AKT3: variants seen among roughly 807,000 people sequenced by gnomAD.
AKT3 encodes AKT serine/threonine kinase 3.
A neutral mutation model predicts 65.3 loss-of-function variants in AKT3; 15 were observed. That is an observed-to-expected ratio of 0.23 (90% CI 0.15 to 0.35). The LOEUF is 0.35. Among genes scored for constraint, AKT3 ranks in the 10% least tolerant of loss-of-function variants. The probability of loss-of-function intolerance (pLI) is 1.00; values close to 1 mark genes in which losing one functional copy is unlikely to be tolerated. For synonymous variants in AKT3, 206 were observed against 183.8 expected, an observed-to-expected ratio of 1.12 and a Z score of -0.98; for missense variants, 243 against 576.5, an observed-to-expected ratio of 0.42 and a Z score of 5.92.
downstream of AKT3, among the ~76,000 whole-genome samples, chr1:243,495,894 C>T (rs1003383429): frequency 6.6e-6 from 1 of 152,144 alleles, no homozygotes; most frequent in Non-Finnish European, 1.5e-5. Context: ...AGCAGGAGAG[C>T]CTCGCATGGG....
At chr1:243,741,039 TG>T (rs1688122391) in intron 2 of AKT3, among the ~76,000 whole-genome samples, 1 of 152,176 alleles carries the variant, frequency 6.6e-6, no homozygotes, top group Admixed American at 6.5e-5. Context: ...TTTGAAGAAG[TG>T]TTAGCCCTAC....
At chr1:243,600,853 T>C (rs1334426413) in intron 8 of AKT3, among the ~76,000 whole-genome samples, 3 of 152,136 alleles carry the variant, frequency 2.0e-5, no homozygotes, top group South Asian at 2.1e-4. Context: ...AAATAATCAA[T>C]GAATTGTGTT....
intron 2 of AKT3, among the ~76,000 whole-genome samples, chr1:243,806,321 A>G (rs1422302154): frequency 6.6e-6 from 1 of 152,152 alleles, no homozygotes; most frequent in Non-Finnish European, 1.5e-5. Context: ...TTTAGTTGCT[A>G]TAACATGATA....
chr1:243,614,972 AC>A (rs1463929790), intron 7 of AKT3, 123 bp downstream of exon 7: 9 of 725,844 alleles, frequency 1.2e-5, no homozygotes, highest in Non-Finnish European at 2.0e-5. Flanking sequence ...AATTTGACTT[AC>A]GTTCTTTCCA....
intron 2 of AKT3, among the ~76,000 whole-genome samples, chr1:243,705,413 T>C (rs2148057212): frequency 6.6e-6 from 1 of 152,360 alleles, no homozygotes; most frequent in South Asian, 2.1e-4. Context: ...GAAAACTGCA[T>C]AATTATCATC....
intron 8 of AKT3, among the ~76,000 whole-genome samples, chr1:243,573,491 G>A (rs1486474): frequency 0.044 from 6,636 of 152,014 alleles, 308 homozygotes; most frequent in African/African-American, 0.11. Flanking sequence ...TGATTTACGC[G>A]AACTTGTTAT....
intron 3 of AKT3, among the ~76,000 whole-genome samples, chr1:243,675,892 C>G (rs1227545072): frequency 6.6e-6 from 1 of 152,136 alleles, no homozygotes; most frequent in Non-Finnish European, 1.5e-5. Flanking sequence ...TCAGACCTTT[C>G]TGTTATGCTT....
chr1:243,638,947 C>T (rs1474917218), intron 5 of AKT3, among the ~76,000 whole-genome samples: 1 of 151,802 alleles, frequency 6.6e-6, no homozygotes, highest in Non-Finnish European at 1.5e-5. Context: ...AAACCAAAAG[C>T]TAGTTCTAAA....
intron 10 of AKT3, among the ~76,000 whole-genome samples, chr1:243,553,388 T>G (rs776906763): frequency 4.6e-5 from 7 of 152,120 alleles, no homozygotes; most frequent in Non-Finnish European, 8.8e-5. Context: ...AAGAACTAAG[T>G]AATACAAATT....
chr1:243,578,592 C>T (rs937179938), intron 8 of AKT3, among the ~76,000 whole-genome samples: 2 of 152,116 alleles, frequency 1.3e-5, no homozygotes, highest in South Asian at 4.1e-4. Context: ...GAGCTTAATA[C>T]TTAAGTGATG....
rs1669400249 is a variant in AKT3 at position 243,502,753 on chromosome 1, A to C, written c.*2496T>G. The C allele has an allele frequency of 4.3e-6, 1 of 233,204 alleles. No homozygotes were observed. Among genetic ancestry groups the C allele is most frequent in the Admixed American group, 5.6e-5 (1 of 17,784 alleles). 14.4% of individuals were successfully genotyped at this position (233,204 alleles called of 1,614,324 possible). A position where few individuals can be genotyped will look rare whatever the true frequency, so the allele number is the denominator to read the frequency against. On this transcript the variant is annotated 3_prime_UTR_variant, in exon 14 of 14. Coordinates refer to ENST00000673466, the MANE Select transcript of AKT3 (RefSeq NM_005465.7). ...AGTCTCAGAGGGTGGAATAGAAGTG[A>C]CTGAGCCCCAGGCATGGCTGGGAAC...
At position 243,788,048 on chromosome 1, in the gene AKT3, T is replaced by TA. The variant is rs200965016; in HGVS notation, c.46+55076dup. ...ATGTATGCATTTGAGAACCCTATTC[T>TA]AAAAAAAAACTTTCAATTTTGATTA... is the stretch of plus-strand genomic sequence containing the variant. On this transcript the variant is annotated intron_variant, in intron 2 of 13. Coordinates refer to ENST00000673466, the MANE Select transcript of AKT3 (RefSeq NM_005465.7). Among the ~76,000 whole-genome samples the TA allele has an allele frequency of 5.2e-3, 782 of 151,608 alleles. 9 individuals are homozygous for TA. The highest frequency in any genetic ancestry group is 0.018 in the African/African-American group (739 of 41,374).
intron 2 of AKT3, among the ~76,000 whole-genome samples, chr1:243,713,933 T>G (rs1413437748): frequency 6.6e-6 from 1 of 151,762 alleles, no homozygotes; most frequent in African/African-American, 2.4e-5. Context: ...TATAAAAAAG[T>G]CCGACAGCCT....
chr1:243,770,728 T>C (rs1690126386), intron 2 of AKT3, among the ~76,000 whole-genome samples: 1 of 116,540 alleles, frequency 8.6e-6, no homozygotes. Context: ...GAGATTATTC[T>C]AAATAGAAAA....
intron 3 of AKT3, among the ~76,000 whole-genome samples, chr1:243,673,816 T>C (rs1197177657): frequency 2.0e-5 from 3 of 152,166 alleles, no homozygotes; most frequent in Non-Finnish European, 4.4e-5. Flanking sequence ...GGTTTCATCA[T>C]GTTGGTCAGG....
chr1:243,573,458 C>A (rs1278744633), intron 8 of AKT3, among the ~76,000 whole-genome samples: 1 of 152,140 alleles, frequency 6.6e-6, no homozygotes, highest in Non-Finnish European at 1.5e-5. Context: ...ATTTCAAAGA[C>A]AAGACTGTCA....
intron 11 of AKT3, among the ~76,000 whole-genome samples, chr1:243,546,087 A>G (rs936525239): frequency 4.6e-5 from 7 of 152,144 alleles, no homozygotes; most frequent in Non-Finnish European, 1.0e-4. Context: ...GGTTTTTCCC[A>G]TGCTGTTCTC....
chr1:243,514,828 C>CA (rs1237576603), intron 12 of AKT3, among the ~76,000 whole-genome samples: 3 of 151,788 alleles, frequency 2.0e-5, no homozygotes, highest in East Asian at 1.9e-4. Context: ...AAAACCCTCT[C>CA]AAAAAAACAA....
intron 2 of AKT3, among the ~76,000 whole-genome samples, chr1:243,712,812 A>G (rs2148079236): frequency 6.6e-6 from 1 of 152,328 alleles, no homozygotes; most frequent in Non-Finnish European, 1.5e-5. Flanking sequence ...AAATGTTATC[A>G]CAGCATTTGA....
Sources: gnomAD v4.1 joint callset for allele counts (sites outside exome capture counted in the v4.1 genomes callset) on GRCh38, gnomAD v4.1.1 for gene constraint, MANE v1.5 for transcripts, NCBI Gene and HGNC (gene_info 2026-07-23, HGNC 2026-07-21) for gene names.